Variants in OSBPL5 observed in about 807,000 individuals in gnomAD.
OSBPL5 encodes oxysterol binding protein like 5.
OSBPL5 carries 71 observed loss-of-function variants against 111.2 expected under a neutral mutation model. The observed-to-expected ratio is 0.64, with a 90% CI of 0.53 to 0.78. OSBPL5 has a LOEUF of 0.78. Ranked by LOEUF, OSBPL5 falls within the 30% of genes least tolerant of loss-of-function variation. The pLI, the probability that OSBPL5 is intolerant of heterozygous loss-of-function variation, is 0.00. For synonymous variants in OSBPL5, 549 were observed against 513.9 expected (o/e 1.07, Z -0.93); for missense variants, 1,210 against 1,189.3 (o/e 1.02, Z -0.26).
At position 3,100,179 on chromosome 11, in the gene OSBPL5, T is replaced by C. The variant is rs1247830102; in HGVS notation, c.1600A>G (p.Met534Val). 1 of 1,614,088 alleles carries C rather than the reference T, an allele frequency of 6.2e-7. No individual in the cohort carries two copies. The highest frequency in any genetic ancestry group is 1.3e-5 in the African/African-American group (1 of 75,024). The change falls in exon 14 of 22, where the codon ATG (methionine) becomes GTG (valine). Residue 534 changes from methionine (M) to valine (V), a missense_variant. Met to Val is a conservative substitution (Grantham distance 21). Coordinates refer to ENST00000263650, the MANE Select transcript of OSBPL5 (RefSeq NM_020896.4). ...LNRAEDYTLT[M>V]PYAHCKGILY... is the part of the protein sequence containing the mutation. The stretch of plus-strand genomic sequence containing the variant: ...TCACCTTTGCAGTGGGCGTAGGGCA[T>C]GGTAAGGGTGTAATCCTCGGCTCGG...
rs555039321 is a variant in OSBPL5 at position 3,105,817 on chromosome 11, G to T, written c.1060-1440C>A. On this transcript the variant is annotated intron_variant, in intron 9 of 21. Transcript: ENST00000263650. This position sits in a 1 kb window ranked among gnomAD's most constrained non-coding sequence, Gnocchi z 5.2. ...CCCAGGCTCGCACCTGCAGCAGCCCGCTCTGCCTGGCTCACAGCAGCGTCG... is the reference window on the plus strand; with the variant it reads ...CCCAGGCTCGCACCTGCAGCAGCCCTCTCTGCCTGGCTCACAGCAGCGTCG... Among the ~76,000 whole-genome samples the T allele has an allele frequency of 4.6e-5, 7 of 152,188 alleles. No homozygotes were observed. Among genetic ancestry groups the T allele is most frequent in the Non-Finnish European group, 1.0e-4 (7 of 68,008 alleles).
At chr11:3,099,013 G>A (rs1352404973) in intron 14 of OSBPL5, among the ~76,000 whole-genome samples, 2 of 152,112 alleles carry the variant, frequency 1.3e-5, no homozygotes, top group Non-Finnish European at 1.5e-5. Flanking sequence ...ATGTTGCCCA[G>A]GCTGGTCTTG....
intron 3 of OSBPL5, among the ~76,000 whole-genome samples, 162 bp from the exon 4 acceptor site, chr11:3,122,590 G>C (rs1360944842): frequency 6.6e-6 from 1 of 152,186 alleles, no homozygotes; most frequent in Admixed American, 6.5e-5. Flanking sequence ...GCACTTCCGG[G>C]GCTGCCATGG....
At chr11:3,150,465 C>T (rs1846545019) in intron 1 of OSBPL5, among the ~76,000 whole-genome samples, 1 of 152,090 alleles carries the variant, frequency 6.6e-6, no homozygotes, top group Admixed American at 6.5e-5. Flanking sequence ...CCTAGGTGGG[C>T]ACGTCCCACC....
At chr11:3,156,635 C>T (rs1389530226) in intron 1 of OSBPL5, among the ~76,000 whole-genome samples, 9 of 152,248 alleles carry the variant, frequency 5.9e-5, no homozygotes, top group Admixed American at 5.2e-4. Context: ...AGGACCTTGA[C>T]GACGCTGGGG....
intron 1 of OSBPL5, among the ~76,000 whole-genome samples, chr11:3,138,550 G>A (rs1270566889): frequency 6.6e-6 from 1 of 152,240 alleles, no homozygotes; most frequent in Non-Finnish European, 1.5e-5. Flanking sequence ...CATTCACACT[G>A]GAAATAAGAC....
chr11:3,107,576 C>A lies in OSBPL5; in HGVS notation c.867-121G>T. 7.2e-7 allele frequency: 1 copy of A among 1,383,716 alleles called. No homozygotes were observed. The highest frequency in any genetic ancestry group is 1.3e-5 in the South Asian group (1 of 77,364). The allele number at this position is 1,383,716 out of a possible 1,614,324, so 85.7% of individuals were successfully genotyped here. A position where few individuals can be genotyped will look rare whatever the true frequency, so the allele number is the denominator to read the frequency against. On this transcript the variant is annotated intron_variant, in intron 8 of 21. Coordinates refer to ENST00000263650, the MANE Select transcript of OSBPL5 (RefSeq NM_020896.4). The surrounding 1 kb of genome is among the most constrained non-coding windows in gnomAD (Gnocchi z 6.1). ...ACGTTCCTGCCTGTCGTCACCTCCA[C>A]AACCCACATTTGACACGATCAGCCC...
intron 14 of OSBPL5, among the ~76,000 whole-genome samples, chr11:3,095,321 A>AG (rs1217664544): frequency 7.9e-5 from 12 of 151,902 alleles, no homozygotes; most frequent in Non-Finnish European, 1.8e-4. Flanking sequence ...AAAAAAAAAA[A>AG]AAAAAAAGAA....
chr11:3,145,386 G>A (rs1477169994), intron 1 of OSBPL5, among the ~76,000 whole-genome samples: 1 of 152,150 alleles, frequency 6.6e-6, no homozygotes, highest in Non-Finnish European at 1.5e-5. Flanking sequence ...CACAGGCCAG[G>A]CCACTTCACG....
chr11:3,092,936 A>G lies in OSBPL5; in HGVS notation c.2063T>C (p.Leu688Pro), dbSNP rs1407230793. The G allele has an allele frequency of 1.3e-6, 2 of 1,577,240 alleles. No homozygotes were observed. Among genetic ancestry groups the G allele is most frequent in the Non-Finnish European group, 1.7e-6 (2 of 1,162,306 alleles). ...RQRARERQES[L>P]MPWKPQLFHL... ...GAACAGCTGCGGCTTCCAGGGCATG[A>G]GGCTCTCCTGCCGCTCACGGGCCCG... The change falls in exon 18 of 22, where the codon CTC becomes CCC. Residue 688 changes from leucine (L) to proline (P), a missense_variant. By Grantham distance (98) the Leu-to-Pro change is moderately conservative. Coordinates refer to ENST00000263650, the MANE Select transcript of OSBPL5 (RefSeq NM_020896.4). This position sits in a 1 kb window ranked among gnomAD's most constrained non-coding sequence, Gnocchi z 5.4.
Position 3,100,154 on chromosome 11 carries a change from T to C in OSBPL5, c.1621+4A>G, listed in dbSNP as rs1242371197. ...CCCTCGGAGTGTGTGGCTGAGCCTC[T>C]CACCTTTGCAGTGGGCGTAGGGCAT... On this transcript the variant is annotated splice_donor_region_variant and intron_variant, in intron 14 of 21. Coordinates refer to ENST00000263650, the MANE Select transcript of OSBPL5 (RefSeq NM_020896.4). 6.2e-7 allele frequency: 1 copy of C among 1,613,644 alleles called. No homozygotes were observed. The highest frequency in any genetic ancestry group is 8.5e-7 in the Non-Finnish European group (1 of 1,179,724).
In OSBPL5 at chr11:3,129,138, T is replaced by C. The variant is rs1306328082; in HGVS notation, c.11A>G (p.Glu4Gly). ...GGAGAAGCGGCGCCGGAGGAAGGCC[T>C]CCTCCTTCATGCTGTGGGCGCTCGG... MKEEAFLRRRFSLC... is the reference protein window; with the variant it reads MKEGAFLRRRFSLC... The change falls in exon 2 of 22, where the codon GAG becomes GGG. Residue 4 changes from glutamate to glycine, a missense_variant. Transcript: ENST00000263650. The C allele has an allele frequency of 4.1e-6, 6 of 1,470,062 alleles. No homozygotes were observed. The highest frequency in any genetic ancestry group is 5.4e-6 in the Non-Finnish European group (6 of 1,105,494). The allele number at this position is 1,470,062 out of a possible 1,614,324, so 91.1% of individuals were successfully genotyped here.
chr11:3,090,463 T>C, intron 20 of OSBPL5, 95 bp downstream of exon 20: 1 of 1,499,458 alleles, frequency 6.7e-7, no homozygotes, highest in East Asian at 2.3e-5. Flanking sequence ...GCCCTACATC[T>C]GGGCAGGTGC....
intron 10 of OSBPL5, among the ~76,000 whole-genome samples, chr11:3,103,756 G>GCCCCCTTCCTGC (rs570227138): frequency 1.8e-5 from 1 of 56,804 alleles, no homozygotes; most frequent in African/African-American, 6.1e-5. Flanking sequence ...CCCTCTTCCA[G>GCCCCCTTCCTGC]CTCTGCAGCC....
intron 1 of OSBPL5, among the ~76,000 whole-genome samples, chr11:3,147,121 C>T (rs949649636): frequency 1.3e-4 from 19 of 151,846 alleles, no homozygotes; most frequent in African/African-American, 4.6e-4. Flanking sequence ...TGTGACTCAC[C>T]CCGTCTCAAG....
rs978248740 is a variant in OSBPL5 at position 3,109,090 on chromosome 11, GTTTT to G, written c.692-1149_692-1146del. The stretch of plus-strand genomic sequence containing the variant: ...GTCAATAAGTGTGTTTTTTGTTTTT[GTTTT>G]TTTGTTGTTTTGAGATGGAGTCTCG... On this transcript the variant is annotated intron_variant, in intron 7 of 21. Coordinates refer to ENST00000263650, the MANE Select transcript of OSBPL5 (RefSeq NM_020896.4). The surrounding 1 kb of genome is among the most constrained non-coding windows in gnomAD (Gnocchi z 7.4). 6.6e-6 allele frequency among the ~76,000 whole-genome samples: 1 copy of G among 150,792 alleles called. No homozygotes were observed.
chr11:3,101,053 C>CCAAG (rs1487257590), intron 13 of OSBPL5, among the ~76,000 whole-genome samples: 1 of 150,646 alleles, frequency 6.6e-6, no homozygotes, highest in African/African-American at 2.4e-5. Flanking sequence ...TGGCTCACTG[C>CCAAG]AACCTCCACC....
chr11:3,140,652 T>C lies in OSBPL5; in HGVS notation c.-21-11483A>G, dbSNP rs556753096. On this transcript the variant is annotated intron_variant, in intron 1 of 21. Transcript: ENST00000263650. This position sits in a 1 kb window ranked among gnomAD's most constrained non-coding sequence, Gnocchi z 4.5. Reference sequence around the variant, plus strand: ...AGGCATCGTCGTCCCGGCTCCCCTCTGTCCCCCAGCTCACATTACCCAGGA... The same window carrying C: ...AGGCATCGTCGTCCCGGCTCCCCTCCGTCCCCCAGCTCACATTACCCAGGA... 6.6e-6 allele frequency among the ~76,000 whole-genome samples: 1 copy of C among 152,300 alleles called. No homozygotes were observed. Among genetic ancestry groups the C allele is most frequent in the East Asian group, 1.9e-4 (1 of 5,182 alleles).
intron 3 of OSBPL5, among the ~76,000 whole-genome samples, chr11:3,125,115 C>A (rs923695362): frequency 6.6e-6 from 1 of 152,158 alleles, no homozygotes; most frequent in Non-Finnish European, 1.5e-5. Flanking sequence ...TCTGCTCACT[C>A]CTCAGTGCTA....
Sources: allele counts gnomAD v4.1 joint callset (sites outside exome capture counted in the v4.1 genomes callset), GRCh38; gene constraint gnomAD v4.1.1; non-coding constraint Gnocchi (gnomAD v3.1); transcripts MANE v1.5; gene names NCBI Gene and HGNC (gene_info 2026-07-23, HGNC 2026-07-21).